Variants in L3MBTL4 observed in about 807,000 individuals in gnomAD.
The protein encoded by L3MBTL4 is L3MBTL histone methyl-lysine binding protein 4.
In L3MBTL4, 70 loss-of-function variants were observed where a neutral mutation model predicts 84.5. The ratio of observed to expected loss-of-function variants is 0.83; its 90% CI spans 0.68 to 1.01. The LOEUF (loss-of-function observed/expected upper bound fraction) is 1.01. L3MBTL4 is among the 50% of genes least tolerant of loss of function. The pLI is 0.00. For missense variants in L3MBTL4, 715 were observed against 754.8 expected (o/e 0.95, Z 0.62); for synonymous variants, 274 against 259.8 (o/e 1.05, Z -0.52).
chr18:6,345,954 G>C (rs1307831028), intron 1 of L3MBTL4, among the ~76,000 whole-genome samples: 1 of 145,100 alleles, frequency 6.9e-6, no homozygotes, highest in Non-Finnish European at 1.5e-5. Context: ...ATAAAGTATG[G>C]TAGTAGCATA....
intron 1 of L3MBTL4, among the ~76,000 whole-genome samples, chr18:6,319,111 C>G (rs1324452460): frequency 1.3e-5 from 2 of 151,942 alleles, no homozygotes; most frequent in Non-Finnish European, 1.5e-5. Context: ...TTATTAAGAC[C>G]TCTGGGATAT....
At chr18:6,028,243 C>T (rs1247331006) in intron 16 of L3MBTL4, among the ~76,000 whole-genome samples, 1 of 152,176 alleles carries the variant, frequency 6.6e-6, no homozygotes, top group Non-Finnish European at 1.5e-5. Context: ...GGTCCAGTTT[C>T]TGTTTTTTGC....
In L3MBTL4 at chr18:6,080,666, T is replaced by A. The variant is rs560275258; in HGVS notation, c.1444+215A>T. On this transcript the variant is annotated intron_variant, in intron 16 of 18. Transcript: ENST00000317931. ...GGACCATAGAGATCATAGAGTCCAG[T>A]CCTTTTACTTTTAAAATGAGAAAAT... is the stretch of plus-strand genomic sequence containing the variant. Among the ~76,000 whole-genome samples, 3 of 152,314 alleles carry A rather than the reference T, an allele frequency of 2.0e-5. No individual in the cohort carries two copies. The South Asian group carries it at 6.2e-4, about 32-fold the overall frequency.
chr18:6,378,068 C>G (rs1359192512), intron 1 of L3MBTL4, among the ~76,000 whole-genome samples: 2 of 152,180 alleles, frequency 1.3e-5, no homozygotes, highest in Non-Finnish European at 2.9e-5. Flanking sequence ...TCTCTGATGA[C>G]CAGTGACGAT....
At chr18:6,327,207 A>C (rs1056600900) in intron 1 of L3MBTL4, among the ~76,000 whole-genome samples, 3 of 152,206 alleles carry the variant, frequency 2.0e-5, no homozygotes, top group African/African-American at 7.2e-5. Flanking sequence ...TTGATGAAGC[A>C]CTTGGGAATA....
At chr18:6,139,317 A>G (rs140249597) in intron 13 of L3MBTL4, among the ~76,000 whole-genome samples, 58 of 152,210 alleles carry the variant, frequency 3.8e-4, no homozygotes, top group Non-Finnish European at 6.5e-4. Context: ...TATATGCTAC[A>G]CTGTGCTATA....
intron 16 of L3MBTL4, among the ~76,000 whole-genome samples, chr18:6,055,588 C>T (rs867233832): frequency 6.6e-6 from 1 of 152,204 alleles, no homozygotes; most frequent in African/African-American, 2.4e-5. Context: ...GAAAACAATG[C>T]TCAAACAAGA....
chr18:6,384,812 AG>A (rs1305938673), intron 1 of L3MBTL4, among the ~76,000 whole-genome samples: 7 of 152,170 alleles, frequency 4.6e-5, no homozygotes, highest in Non-Finnish European at 8.8e-5. Context: ...CCATGTTATG[AG>A]GACACTCAAC....
chr18:6,110,353 C>T (rs190565252), intron 14 of L3MBTL4, among the ~76,000 whole-genome samples: 21 of 151,942 alleles, frequency 1.4e-4, no homozygotes, highest in Non-Finnish European at 2.2e-4. Flanking sequence ...TGTCTGTATG[C>T]GTGTGTGCGT....
At chr18:6,041,641 A>C (rs1469242627) in intron 16 of L3MBTL4, among the ~76,000 whole-genome samples, 1 of 152,036 alleles carries the variant, frequency 6.6e-6, no homozygotes, top group African/African-American at 2.4e-5. Flanking sequence ...CTTACCAAGC[A>C]CAGAGAGGTC....
intron 14 of L3MBTL4, among the ~76,000 whole-genome samples, chr18:6,109,230 C>G (rs2059113340): frequency 6.6e-6 from 1 of 152,086 alleles, no homozygotes; most frequent in Non-Finnish European, 1.5e-5. Flanking sequence ...AATAGTGGAC[C>G]AATTTTTAAC....
rs61733889 is a variant in L3MBTL4 at position 5,956,382 on chromosome 18, G to C, written c.1683C>G (p.Ile561Met). The C allele has an allele frequency of 3.7e-6, 6 of 1,613,562 alleles. No homozygotes were observed. The highest frequency in any genetic ancestry group is 1.6e-4 in the Middle Eastern group (1 of 6,082). The part of the protein sequence containing the change: ...EHAKCFKKEQ[I>M]DGKAFLLLTQ... ...TCAGAAGCAGGAAGGCTTTGCCATC[G>C]ATCTGCTGCAAATACATAAATAGAC... Residue 561 changes from isoleucine to methionine, a missense_variant, in exon 19 of 19, where the codon ATC becomes ATG. By Grantham distance (10) the Ile-to-Met change is conservative (BLOSUM62 1). Transcript: ENST00000317931.
At chr18:6,414,918 A>C (rs1432900407), upstream of L3MBTL4, 1 of 148,960 alleles carries the variant, frequency 6.7e-6, no homozygotes, top group Admixed American at 6.7e-5. This position sits in a 1 kb window ranked among gnomAD's most constrained non-coding sequence, Gnocchi z 5.4. Flanking sequence ...GCCCGGCGGG[A>C]GGGGCGCGAG....
rs752657996 is a variant in L3MBTL4 at position 6,243,289 on chromosome 18, C to A, written c.460+5G>T. On this transcript the variant is annotated splice_donor_5th_base_variant and intron_variant, in intron 7 of 18. Coordinates refer to ENST00000317931, the MANE Select transcript of L3MBTL4 (RefSeq NM_001330559.2). ...TTTCCAGTTGGTAAATGTATCCTGG[C>A]TTACCCTTAGGGATGTGCAGTTCAT... 6.4e-7 allele frequency: 1 copy of A among 1,551,450 alleles called. No individual in the cohort carries two copies. Among genetic ancestry groups the A allele is most frequent in the Non-Finnish European group, 8.7e-7 (1 of 1,150,804 alleles).
At chr18:5,999,692 T>C (rs2054131320) in intron 16 of L3MBTL4, among the ~76,000 whole-genome samples, 1 of 152,224 alleles carries the variant, frequency 6.6e-6, no homozygotes, top group Non-Finnish European at 1.5e-5. Context: ...CTAGATTCAA[T>C]ATATCTGTAA....
chr18:6,154,889 T>C (rs2043039551), intron 13 of L3MBTL4, among the ~76,000 whole-genome samples: 2 of 152,190 alleles, frequency 1.3e-5, no homozygotes, highest in Non-Finnish European at 1.5e-5. Flanking sequence ...CCTTTTCTAA[T>C]GACCTCCATT....
chr18:6,007,474 T>C (rs958165537), intron 16 of L3MBTL4, among the ~76,000 whole-genome samples: 3 of 152,226 alleles, frequency 2.0e-5, no homozygotes, highest in African/African-American at 7.2e-5. Context: ...GTTTTATTGG[T>C]ACTCAGAAAA....
chr18:6,043,126 T>A (rs1303464183), intron 16 of L3MBTL4, among the ~76,000 whole-genome samples: 2 of 152,136 alleles, frequency 1.3e-5, no homozygotes, highest in Admixed American at 1.3e-4. Flanking sequence ...CTTGAATGTA[T>A]CCTCTTCATC....
intron 14 of L3MBTL4, among the ~76,000 whole-genome samples, chr18:6,111,161 A>G (rs2059184111): frequency 6.6e-6 from 1 of 152,156 alleles, no homozygotes; most frequent in Admixed American, 6.5e-5. Context: ...GAGAAAGAGA[A>G]ATGAGATAAA....
Sources: allele counts gnomAD v4.1 joint callset (sites outside exome capture counted in the v4.1 genomes callset), GRCh38; gene constraint gnomAD v4.1.1; non-coding constraint Gnocchi (gnomAD v3.1); transcripts MANE v1.5; gene names NCBI Gene and HGNC (gene_info 2026-07-23, HGNC 2026-07-21).